KDM2A: variants seen among roughly 807,000 people sequenced by gnomAD.
The protein encoded by KDM2A is lysine demethylase 2A, also known as lysine-specific demethylase 2A.
A neutral mutation model predicts 137.3 loss-of-function variants in KDM2A; 3 were observed. The ratio of observed to expected loss-of-function variants is 0.02; its 90% CI spans 0.01 to 0.06. The LOEUF is 0.06. Ranked by LOEUF, KDM2A falls within the 10% of genes least tolerant of loss-of-function variation. The pLI is 1.00. For missense variants in KDM2A, 738 were observed against 1,510.6 expected, an observed-to-expected ratio of 0.49 and a Z score of 8.48; for synonymous variants, 512 against 541.5, an observed-to-expected ratio of 0.95 and a Z score of 0.76.
intron 2 of KDM2A, among the ~76,000 whole-genome samples, chr11:67,156,680 C>T (rs773889811): frequency 2.1e-5 from 3 of 146,028 alleles, no homozygotes; most frequent in Non-Finnish European, 3.0e-5. Flanking sequence ...GATGGCGCCT[C>T]TGCACTCCAG....
chr11:67,213,555 C>T (rs1200860509), intron 6 of KDM2A, among the ~76,000 whole-genome samples: 1 of 151,820 alleles, frequency 6.6e-6, no homozygotes, highest in Non-Finnish European at 1.5e-5. Context: ...ATCAGAAGTT[C>T]GAGACCAGCC....
intron 10 of KDM2A, 116 bp from the exon 11 acceptor site, chr11:67,227,921 G>A: frequency 9.2e-7 from 1 of 1,089,868 alleles, no homozygotes; most frequent in Non-Finnish European, 1.3e-6. Context: ...ATGCCAAGCT[G>A]GGTTTGCAGG....
intron 15 of KDM2A, 95 bp downstream of exon 15, chr11:67,246,211 A>T: frequency 2.3e-6 from 3 of 1,331,304 alleles, no homozygotes; most frequent in South Asian, 1.2e-5. Flanking sequence ...CAGCATCCCT[A>T]CTGTAGGCCA....
At chr11:67,154,549 C>CAGA (rs1000569309) in intron 2 of KDM2A, among the ~76,000 whole-genome samples, 6 of 152,186 alleles carry the variant, frequency 3.9e-5, no homozygotes, top group African/African-American at 1.4e-4. Context: ...TCTCCTGCCT[C>CAGA]AGCCTCCTGA....
chr11:67,160,630 G>A (rs1478895501), intron 2 of KDM2A, among the ~76,000 whole-genome samples: 1 of 152,172 alleles, frequency 6.6e-6, no homozygotes, highest in Admixed American at 6.5e-5. Context: ...AATTAGCTGG[G>A]TGTAGTGGCG....
In KDM2A at chr11:67,255,178, C is replaced by T. The variant is rs1859561098; in HGVS notation, c.*123C>T. On this transcript the variant is annotated 3_prime_UTR_variant, in exon 21 of 21. Coordinates refer to ENST00000529006, the MANE Select transcript of KDM2A (RefSeq NM_012308.3). ...TCACACTCCCTCTCTGCTCTCCTGTCCCTTGAGCCCTTCCTCTACAGGTGG... is the reference window on the plus strand; with the variant it reads ...TCACACTCCCTCTCTGCTCTCCTGTTCCTTGAGCCCTTCCTCTACAGGTGG... The T allele has an allele frequency of 8.5e-6, 7 of 825,898 alleles. No individual in the cohort carries two copies. The highest frequency in any genetic ancestry group is 1.1e-5 in the Non-Finnish European group (6 of 531,538). The allele number at this position is 825,898 out of a possible 1,614,324, so 51.2% of individuals were successfully genotyped here.
intron 2 of KDM2A, among the ~76,000 whole-genome samples, chr11:67,124,614 CTTT>C (rs34517858): frequency 1.8e-5 from 2 of 112,682 alleles, no homozygotes; most frequent in Admixed American, 9.7e-5. Context: ...GCCTGGCCCA[CTTT>C]TTTTTTTTTT....
At chr11:67,149,759 T>G (rs1856342449) in intron 2 of KDM2A, among the ~76,000 whole-genome samples, 1 of 151,280 alleles carries the variant, frequency 6.6e-6, no homozygotes, top group African/African-American at 2.4e-5. Context: ...TTCTCTTTTT[T>G]GCCTAGGCTG....
intron 2 of KDM2A, among the ~76,000 whole-genome samples, chr11:67,133,745 A>C (rs1242992612): frequency 6.0e-5 from 9 of 150,596 alleles, no homozygotes; most frequent in African/African-American, 2.2e-4. Context: ...TCTGGCTCCT[A>C]GGCTGACGTG....
chr11:67,247,071 ATTTTTTTTTTTT>A lies in KDM2A; in HGVS notation c.1965+978_1965+989del, dbSNP rs1156333048. On this transcript the variant is annotated intron_variant, in intron 15 of 20. Transcript: ENST00000529006. ...TATATATATATATATATATATATAT[ATTTTTTTTTTTT>A]TTTTTTTTTTTTTTTTTTTTTTGGA... 1.8e-4 allele frequency among the ~76,000 whole-genome samples: 3 copies of A among 16,778 alleles called. No homozygotes were observed. In the East Asian group the frequency reaches 4.9e-3, roughly 27 times the overall value. The allele number at this position is 16,778 out of a possible 152,430, so 11.0% of individuals were successfully genotyped here. A position where few individuals can be genotyped will look rare whatever the true frequency, so the allele number is the denominator to read the frequency against.
At chr11:67,154,477 GGCTGGAGCGCAA>G (rs1378461993) in intron 2 of KDM2A, among the ~76,000 whole-genome samples, 4 of 152,114 alleles carry the variant, frequency 2.6e-5, no homozygotes. Flanking sequence ...TTGTTGCCTA[GGCTGGAGCGCAA>G]TGGCGTGATT....
intron 2 of KDM2A, among the ~76,000 whole-genome samples, chr11:67,169,956 C>T (rs2136325109): frequency 6.6e-6 from 1 of 151,882 alleles, no homozygotes. Flanking sequence ...TGGGGTTTCA[C>T]CATGCTGGCC....
chr11:67,161,255 C>G (rs1177712318), intron 2 of KDM2A, among the ~76,000 whole-genome samples: 1 of 152,154 alleles, frequency 6.6e-6, no homozygotes, highest in Admixed American at 6.5e-5. Context: ...TTAGTGATGG[C>G]TGTGATGACA....
intron 2 of KDM2A, among the ~76,000 whole-genome samples, chr11:67,122,324 A>ATTAT (rs1855615080): frequency 6.6e-6 from 1 of 152,066 alleles, no homozygotes; most frequent in Non-Finnish European, 1.5e-5. Context: ...AGACTTCTTT[A>ATTAT]TTATTTATTT....
chr11:67,177,044 G>C (rs556515422), intron 2 of KDM2A, among the ~76,000 whole-genome samples: 1 of 152,184 alleles, frequency 6.6e-6, no homozygotes, highest in South Asian at 2.1e-4. Context: ...GATCACCTGA[G>C]GTCAGGGGTT....
intron 2 of KDM2A, among the ~76,000 whole-genome samples, chr11:67,166,014 G>T (rs1335731274): frequency 6.6e-6 from 1 of 152,040 alleles, no homozygotes. Context: ...ATTATAAAAG[G>T]TGGTGAAGAA....
At chr11:67,228,736 G>A (rs899990897) in intron 11 of KDM2A, among the ~76,000 whole-genome samples, 5 of 151,088 alleles carry the variant, frequency 3.3e-5, no homozygotes, top group Non-Finnish European at 7.4e-5. Context: ...TGTCTAATAT[G>A]CTTTTTGTTT....
At chr11:67,147,681 A>T (rs1372634982) in intron 2 of KDM2A, among the ~76,000 whole-genome samples, 1 of 146,902 alleles carries the variant, frequency 6.8e-6, no homozygotes, top group South Asian at 2.1e-4. Context: ...TTCATTAGAG[A>T]TTCTTTTTTT....
At chr11:67,137,449 A>G (rs1855993369) in intron 2 of KDM2A, among the ~76,000 whole-genome samples, 2 of 152,184 alleles carry the variant, frequency 1.3e-5, no homozygotes, top group Non-Finnish European at 2.9e-5. Context: ...TGACAGAACT[A>G]GAGAGGAGAT....
Sources: gnomAD v4.1 joint callset for allele counts (sites outside exome capture counted in the v4.1 genomes callset) on GRCh38, gnomAD v4.1.1 for gene constraint, MANE v1.5 for transcripts, NCBI Gene and HGNC (gene_info 2026-07-23, HGNC 2026-07-21) for gene names.